SHTN1: variants seen among roughly 807,000 people sequenced by gnomAD.
SHTN1 encodes the protein shootin-1.
A neutral mutation model predicts 83.1 loss-of-function variants in SHTN1; 42 were observed. That is an observed-to-expected ratio of 0.51 (90% CI 0.39 to 0.65). The LOEUF is 0.65. SHTN1 is among the 30% of genes least tolerant of loss of function. The probability of loss-of-function intolerance (pLI) is 0.00; values close to 1 mark genes in which losing one functional copy is unlikely to be tolerated. For missense variants in SHTN1, 622 were observed against 737.8 expected (o/e 0.84, Z 1.82); for synonymous variants, 224 against 247.7 (o/e 0.90, Z 0.90).
Position 116,979,241 on chromosome 10 carries a change from A to T in SHTN1, c.111+15T>A, listed in dbSNP as rs150703692. On this transcript the variant is annotated intron_variant, in intron 2 of 16. Transcript: ENST00000355371. ...ACACATGTAAGAAAGGGGAAAAAAA[A>T]GGTAAAGTACAAACCTTCTCCTTTG... 383 of 1,610,368 alleles carry T rather than the reference A, an allele frequency of 2.4e-4. 2 individuals are homozygous for T. The East Asian group carries it at 7.9e-3, about 33-fold the overall frequency.
chr10:117,047,101 G>A (rs1852674372), intron 2 of SHTN1, among the ~76,000 whole-genome samples: 1 of 152,102 alleles, frequency 6.6e-6, no homozygotes, highest in African/African-American at 2.4e-5. Context: ...GTCTCACTCT[G>A]TCGCCCAGGC....
intron 1 of SHTN1, among the ~76,000 whole-genome samples, chr10:117,068,445 A>G (rs1345357451): frequency 1.3e-5 from 2 of 152,200 alleles, no homozygotes; most frequent in African/African-American, 4.8e-5. Flanking sequence ...ATCTCGGATT[A>G]CAGCAAGCTG....
At chr10:116,997,631 C>G (rs932365370) in intron 1 of SHTN1, among the ~76,000 whole-genome samples, 4 of 152,182 alleles carry the variant, frequency 2.6e-5, no homozygotes. Flanking sequence ...AGGTAAAACG[C>G]CAATTCATCA....
rs546411116 is a variant in SHTN1, at chr10:117,033,801, C to T, written c.-123+14644G>A. Among the ~76,000 whole-genome samples, 35 of 152,146 alleles carry T rather than the reference C, an allele frequency of 2.3e-4. 1 individual carries two copies. In the South Asian group the frequency reaches 5.8e-3, roughly 25 times the overall value. ...CAACAAAATACTAGCAAACCAAATT[C>T]AACAATACATTAATAAGATCATTCA... On this transcript the variant is annotated intron_variant, in intron 2 of 17. Transcript: ENST00000392901.
chr10:117,048,474 TGGAAA>T (rs1852698934), exon 2 of SHTN1: 3 of 985,348 alleles, frequency 3.0e-6, no homozygotes, highest in South Asian at 4.7e-5. Context: ...TTCATCAATC[TGGAAA>T]ATGAAGGCAG....
At chr10:116,910,871 CCACT>C (rs1222478212) in intron 14 of SHTN1, among the ~76,000 whole-genome samples, 1 of 152,154 alleles carries the variant, frequency 6.6e-6, no homozygotes, top group East Asian at 1.9e-4. Context: ...AGTGCTAATC[CCACT>C]CACTTAAAAC....
intron 2 of SHTN1, among the ~76,000 whole-genome samples, chr10:117,024,243 G>A (rs1852298814): frequency 6.6e-6 from 1 of 152,068 alleles, no homozygotes; most frequent in African/African-American, 2.4e-5. Context: ...GACTGGGTCA[G>A]GGATTGACTG....
chr10:117,065,856 A>AAGGAACGGAG lies in SHTN1; in HGVS notation c.-188-17347_-188-17346insCTCCGTTCCT, dbSNP rs1564947544. Among the ~76,000 whole-genome samples, 8 of 37,066 alleles carry AAGGAACGGAG rather than the reference A, an allele frequency of 2.2e-4. 1 individual carries two copies. Among genetic ancestry groups the AAGGAACGGAG allele is most frequent in the African/African-American group, 9.4e-4 (7 of 7,486 alleles). The allele number at this position is 37,066 out of a possible 152,430, so 24.3% of individuals were successfully genotyped here. A position where few individuals can be genotyped will look rare whatever the true frequency, so the allele number is the denominator to read the frequency against. On this transcript the variant is annotated intron_variant, in intron 1 of 17. Transcript: ENST00000392901. ...AGGAAGGAAGGAAGGAAGGAAGGAAAGGAGGGAGGGAGGGAGGGAGGGAGG... is the reference window on the plus strand; with the variant it reads ...AGGAAGGAAGGAAGGAAGGAAGGAAAAGGAACGGAGGGAGGGAGGGAGGGAGGGAGGGAGG...
At chr10:117,097,678 A>G (rs1853523934) in intron 1 of SHTN1, among the ~76,000 whole-genome samples, 1 of 152,222 alleles carries the variant, frequency 6.6e-6, no homozygotes, top group Admixed American at 6.5e-5. Context: ...ATTTTCAACC[A>G]TGACCCAGTT....
Position 116,883,347 on chromosome 10 carries a change from C to G in SHTN1, c.*2997G>C, listed in dbSNP as rs1847077218. On this transcript the variant is annotated 3_prime_UTR_variant, in exon 17 of 17. Coordinates refer to ENST00000355371, the MANE Select transcript of SHTN1 (RefSeq NM_001127211.3). ...CTGTGAAAGAAATGAAAGAAACAGT[C>G]ACATACCAAATTAAAATGACTGTGG... The G allele has an allele frequency of 6.6e-6, 1 of 152,056 alleles. No homozygotes were observed. Among genetic ancestry groups the G allele is most frequent in the Admixed American group, 6.6e-5 (1 of 15,254 alleles). 9.4% of individuals were successfully genotyped at this position (152,056 alleles called of 1,614,324 possible). A position where few individuals can be genotyped will look rare whatever the true frequency, so the allele number is the denominator to read the frequency against.
chr10:117,125,732 C>G (rs1021462043), intron 1 of SHTN1, among the ~76,000 whole-genome samples: 1 of 152,174 alleles, frequency 6.6e-6, no homozygotes, highest in African/African-American at 2.4e-5. Context: ...TCTTGATCAT[C>G]TCAGAATTCT....
chr10:117,103,358 T>C (rs1282202682), intron 1 of SHTN1, among the ~76,000 whole-genome samples: 1 of 152,064 alleles, frequency 6.6e-6, no homozygotes, highest in Admixed American at 6.5e-5. Context: ...CCCAAAGTTC[T>C]GGGATTACAG....
chr10:116,957,776 G>C (rs899288824), intron 4 of SHTN1, among the ~76,000 whole-genome samples: 2 of 152,112 alleles, frequency 1.3e-5, no homozygotes, highest in African/African-American at 4.8e-5. Flanking sequence ...GAAAATATGA[G>C]GAACTGGGCG....
intron 2 of SHTN1, among the ~76,000 whole-genome samples, chr10:116,973,203 T>C (rs186947447): frequency 2.8e-4 from 42 of 152,320 alleles, no homozygotes; most frequent in Admixed American, 5.2e-4. Context: ...GAAATCTTTA[T>C]ATTCTGTTGT....
intron 14 of SHTN1, chr10:116,907,752 T>C: frequency 2.5e-6 from 1 of 404,744 alleles, no homozygotes; most frequent in Non-Finnish European, 5.0e-6. Flanking sequence ...ACATAATCTT[T>C]TGATCAGAGG....
chr10:117,017,288 G>C (rs1427524244), intron 2 of SHTN1, among the ~76,000 whole-genome samples: 1 of 151,960 alleles, frequency 6.6e-6, no homozygotes, highest in Non-Finnish European at 1.5e-5. Flanking sequence ...TCAGGAGATC[G>C]AGACCATCCT....
chr10:116,959,919 A>G (rs1474287661), intron 4 of SHTN1, among the ~76,000 whole-genome samples: 1 of 152,218 alleles, frequency 6.6e-6, no homozygotes, highest in Non-Finnish European at 1.5e-5. Flanking sequence ...ATACTCACAT[A>G]CAAATGCTCC....
chr10:117,113,779 A>C (rs149127348), intron 1 of SHTN1, among the ~76,000 whole-genome samples: 4,321 of 152,192 alleles, frequency 0.028, 140 homozygotes, highest in East Asian at 0.12. Flanking sequence ...GGCGCAGTGG[A>C]TCATGCCTGT....
intron 1 of SHTN1, among the ~76,000 whole-genome samples, chr10:117,061,141 T>C (rs980471301): frequency 4.0e-5 from 6 of 151,766 alleles, no homozygotes; most frequent in African/African-American, 1.5e-4. Flanking sequence ...TAGTCTTTTT[T>C]TTTTTTTTTC....
Sources: allele counts gnomAD v4.1 joint callset (sites outside exome capture counted in the v4.1 genomes callset), GRCh38; gene constraint gnomAD v4.1.1; transcripts MANE v1.5; gene names NCBI Gene and HGNC (gene_info 2026-07-23, HGNC 2026-07-21).